Variants in TTC39B observed in about 807,000 individuals in gnomAD.
TTC39B encodes the protein tetratricopeptide repeat protein 39B.
In TTC39B, 92 loss-of-function variants were observed where a neutral mutation model predicts 96.6. The ratio of observed to expected loss-of-function variants is 0.95; its 90% CI spans 0.80 to 1.13. The LOEUF is 1.13. Among genes scored for constraint, TTC39B ranks in the 50% most tolerant of loss-of-function variants. The pLI is 0.00. For synonymous variants in TTC39B, 367 were observed against 299.4 expected (o/e 1.23, Z -2.33); for missense variants, 955 against 809.3 (o/e 1.18, Z -2.18).
At chr9:15,282,239 C>T (rs971820912) in intron 1 of TTC39B, among the ~76,000 whole-genome samples, 10 of 152,064 alleles carry the variant, frequency 6.6e-5, no homozygotes, top group African/African-American at 2.4e-4. Flanking sequence ...TAACTAGTAT[C>T]TCAAATTTCA....
At chr9:15,274,966 CA>C (rs1349597875) in intron 1 of TTC39B, among the ~76,000 whole-genome samples, 1 of 151,808 alleles carries the variant, frequency 6.6e-6, no homozygotes, top group African/African-American at 2.4e-5. Context: ...CCATGTTCTC[CA>C]GGTGTAGGAT....
At chr9:15,173,039 T>C (rs953794226) in intron 19 of TTC39B, among the ~76,000 whole-genome samples, 6 of 152,228 alleles carry the variant, frequency 3.9e-5, no homozygotes, top group African/African-American at 1.2e-4. Flanking sequence ...GAAGTATCTT[T>C]ATGTTTGAAT....
At chr9:15,203,737 G>A (rs1182933612) in intron 7 of TTC39B, 86 bp downstream of exon 7, 14 of 1,068,488 alleles carry the variant, frequency 1.3e-5, no homozygotes, top group Non-Finnish European at 1.8e-5. Context: ...AAGAACTGAA[G>A]CTTTGACATA....
intron 8 of TTC39B, among the ~76,000 whole-genome samples, chr9:15,193,994 G>T (rs1337869147): frequency 6.6e-6 from 1 of 152,156 alleles, no homozygotes. Flanking sequence ...CAGAAAAAGG[G>T]CATTGATGAG....
intron 1 of TTC39B, among the ~76,000 whole-genome samples, chr9:15,296,313 C>G (rs995623830): frequency 1.3e-5 from 2 of 152,146 alleles, no homozygotes; most frequent in African/African-American, 4.8e-5. Flanking sequence ...CCTTAACCAC[C>G]CACTGCATTT....
intron 2 of TTC39B, among the ~76,000 whole-genome samples, chr9:15,248,017 C>T (rs1338774687): frequency 6.6e-6 from 1 of 152,170 alleles, no homozygotes; most frequent in African/African-American, 2.4e-5. Flanking sequence ...TCGTTTTCCT[C>T]ATTTGGAAAA....
At chr9:15,195,284 T>C (rs1819091099) in intron 8 of TTC39B, among the ~76,000 whole-genome samples, 1 of 152,070 alleles carries the variant, frequency 6.6e-6, no homozygotes, top group African/African-American at 2.4e-5. Flanking sequence ...TTAAACTCTA[T>C]AAAGGCTGAG....
At chr9:15,225,834 T>C in intron 3 of TTC39B, 83 bp downstream of exon 3, 1 of 1,286,476 alleles carries the variant, frequency 7.8e-7, no homozygotes, top group Non-Finnish European at 1.1e-6. Context: ...CGCAATGCAC[T>C]ATGCAAATAT....
At chr9:15,192,777 C>G in intron 8 of TTC39B, 82 bp from the exon 9 acceptor site, 1 of 926,822 alleles carries the variant, frequency 1.1e-6, no homozygotes, top group Non-Finnish European at 1.7e-6. Flanking sequence ...CACTTATGTG[C>G]TATAAAATAA....
chr9:15,242,634 G>T (rs1352346816), intron 2 of TTC39B, among the ~76,000 whole-genome samples: 6 of 152,058 alleles, frequency 3.9e-5, no homozygotes, highest in Admixed American at 3.9e-4. Flanking sequence ...AGAAAAGAAA[G>T]GAATATGAAA....
At chr9:15,202,320 A>C (rs1238900065) in intron 7 of TTC39B, among the ~76,000 whole-genome samples, 2 of 152,172 alleles carry the variant, frequency 1.3e-5, no homozygotes, top group Non-Finnish European at 2.9e-5. Context: ...GGGTTTTAGG[A>C]AACAGGGTCA....
At chr9:15,218,155 C>T (rs191751945) in intron 3 of TTC39B, among the ~76,000 whole-genome samples, 263 of 127,182 alleles carry the variant, frequency 2.1e-3, no homozygotes, top group African/African-American at 7.8e-3. Context: ...GGCAACAGAG[C>T]GAGACTCTGT....
At chr9:15,167,016 ATATATATATATATTTT>A (rs1817538928) in exon 20 of TTC39B, 1 of 6,730 alleles carries the variant, frequency 1.5e-4, no homozygotes, top group African/African-American at 7.9e-4. Context: ...ATATATATAT[ATATATATATATATTTT>A]TTTTTTTTTT....
chr9:15,233,056 C>G (rs981584696), intron 2 of TTC39B, among the ~76,000 whole-genome samples: 1 of 151,868 alleles, frequency 6.6e-6, no homozygotes, highest in Non-Finnish European at 1.5e-5. Context: ...GATAGGACAG[C>G]TGTAGATCCT....
Position 15,194,386 on chromosome 9 carries a change from C to T in TTC39B, c.825-1691G>A, listed in dbSNP as rs1006043369. On this transcript the variant is annotated intron_variant, in intron 8 of 19. Transcript: ENST00000512701. Reference sequence around the variant, plus strand: ...TTACTAAAGTACCTATCTTTCTTCACTGTTTTGAAAGGGCCTATCTATATA... The same window carrying T: ...TTACTAAAGTACCTATCTTTCTTCATTGTTTTGAAAGGGCCTATCTATATA... Among the ~76,000 whole-genome samples, 10 of 152,250 alleles carry T rather than the reference C, an allele frequency of 6.6e-5. No homozygotes were observed. The South Asian group carries it at 1.0e-3, about 16-fold the overall frequency.
At chr9:15,266,625 T>G (rs1160006159) in intron 2 of TTC39B, among the ~76,000 whole-genome samples, 1 of 152,176 alleles carries the variant, frequency 6.6e-6, no homozygotes, top group East Asian at 1.9e-4. Flanking sequence ...GTGGAAGTAC[T>G]GTAAAACAAA....
chr9:15,285,841 C>T (rs1329953731), intron 1 of TTC39B, among the ~76,000 whole-genome samples: 2 of 151,954 alleles, frequency 1.3e-5, no homozygotes, highest in African/African-American at 4.8e-5. Context: ...GGGGACAGAA[C>T]GAGATTCCGT....
intron 5 of TTC39B, 131 bp downstream of exon 5, chr9:15,211,135 G>T: frequency 9.3e-7 from 1 of 1,074,124 alleles, no homozygotes; most frequent in Non-Finnish European, 1.3e-6. Flanking sequence ...TCAGCTTCGA[G>T]GCTGAATTTC....
At chr9:15,228,759 T>C (rs922139845) in intron 2 of TTC39B, among the ~76,000 whole-genome samples, 1 of 152,240 alleles carries the variant, frequency 6.6e-6, no homozygotes, top group Non-Finnish European at 1.5e-5. Flanking sequence ...TCAAACAAAC[T>C]AGTTAAAATA....
Sources: allele counts gnomAD v4.1 joint callset (sites outside exome capture counted in the v4.1 genomes callset), GRCh38; gene constraint gnomAD v4.1.1; transcripts MANE v1.5; gene names NCBI Gene and HGNC (gene_info 2026-07-23, HGNC 2026-07-21).